The following DMD variants were observed in gnomAD, a reference collection of about 807,000 sequenced individuals.
DMD encodes dystrophin, also known as mutant dystrophin.
A neutral mutation model predicts 330.1 loss-of-function variants in DMD; 63 were observed. That is an observed-to-expected ratio of 0.19 (90% confidence interval 0.16 to 0.24). The LOEUF (loss-of-function observed/expected upper bound fraction) is 0.24, where lower values mean the gene tolerates loss of function less well. DMD is among the 10% of genes least tolerant of loss of function. The pLI, the probability that DMD is intolerant of heterozygous loss-of-function variation, is 1.00. For missense variants in DMD, 3,344 were observed against 2,684.1 expected, an observed-to-expected ratio of 1.25 and a Z score of -5.43; for synonymous variants, 1,223 against 959.8, an observed-to-expected ratio of 1.27 and a Z score of -5.07.
At position 32,723,410 on chromosome X, in the gene DMD, C is replaced by T. The variant is rs770779830; in HGVS notation, c.650-24117G>A. On this transcript the variant is annotated intron_variant, in intron 7 of 78. Coordinates refer to ENST00000357033, the MANE Select transcript of DMD (RefSeq NM_004006.3). ...TCTCTTGCGGTGTCTGTTTGACTTT[C>T]GTATTTAGGGTGATGCTGAAGTCAT... 3.6e-5 allele frequency among the ~76,000 whole-genome samples: 4 copies of T among 111,091 alleles called. No homozygotes were observed. The South Asian group carries it at 1.5e-3, about 42-fold the overall frequency.
chrX:32,491,601 T>C (rs774235324), intron 19 of DMD, 83 bp from the exon 20 acceptor site: 1 of 939,542 alleles, frequency 1.1e-6, no homozygotes, highest in East Asian at 3.3e-5. Context: ...ATCCTAATTA[T>C]AAAAGTATTC....
At chrX:31,122,694 T>C (rs1457643111) in intron 78 of DMD, among the ~76,000 whole-genome samples, 1 of 111,980 alleles carries the variant, frequency 8.9e-6, no homozygotes, top group Admixed American at 9.5e-5. Flanking sequence ...ATGTATTGTA[T>C]GCATTTGGGT....
intron 29 of DMD, among the ~76,000 whole-genome samples, chrX:32,413,252 C>T (rs2098151300): frequency 9.0e-6 from 1 of 110,900 alleles, no homozygotes; most frequent in Non-Finnish European, 1.9e-5. Context: ...ATTCTGCAAC[C>T]ACCAAAAGCT....
At chrX:31,168,058 G>A (rs139258623) in intron 74 of DMD, among the ~76,000 whole-genome samples, 1,613 of 112,092 alleles carry the variant, frequency 0.014, 40 homozygotes, top group African/African-American at 0.049. Flanking sequence ...ATTTTGAGCA[G>A]TGTGATGGAG....
At chrX:33,155,530 G>T (rs2048469836) in intron 1 of DMD, among the ~76,000 whole-genome samples, 1 of 110,701 alleles carries the variant, frequency 9.0e-6, no homozygotes, top group Admixed American at 9.7e-5. Flanking sequence ...TGGCCAGGCT[G>T]GTCTTGAACC....
intron 43 of DMD, among the ~76,000 whole-genome samples, chrX:32,247,081 C>T (rs966451): frequency 0.072 from 8,028 of 111,165 alleles, 379 homozygotes; most frequent in East Asian, 0.36. Context: ...AAACGATTGT[C>T]AAAGAAAGAG....
intron 64 of DMD, among the ~76,000 whole-genome samples, chrX:31,214,940 T>TTTTCTTTTTTTTTC (rs2045222267): frequency 4.9e-5 from 3 of 60,910 alleles, no homozygotes; most frequent in East Asian, 4.6e-4. Flanking sequence ...CTTTTTTCTT[T>TTTTCTTTTTTTTTC]TTTTTTTTTT....
intron 7 of DMD, among the ~76,000 whole-genome samples, chrX:32,716,639 C>A (rs944107588): frequency 9.0e-6 from 1 of 110,832 alleles, no homozygotes; most frequent in Non-Finnish European, 1.9e-5. Context: ...AAGAAGCACA[C>A]GTTGGAACAG....
At chrX:31,641,457 G>A (rs1276299945) in intron 54 of DMD, among the ~76,000 whole-genome samples, 5 of 96,724 alleles carry the variant, frequency 5.2e-5, no homozygotes, top group Non-Finnish European at 8.0e-5. Flanking sequence ...AGCCAAGATC[G>A]CACCACTGCA....
intron 43 of DMD, among the ~76,000 whole-genome samples, chrX:32,230,884 C>T (rs1197175893): frequency 9.0e-6 from 1 of 111,723 alleles, no homozygotes; most frequent in African/African-American, 3.2e-5. Flanking sequence ...AATATATATA[C>T]AGTATATAAT....
intron 1 of DMD, among the ~76,000 whole-genome samples, chrX:33,159,765 T>C (rs1173354993): frequency 8.9e-6 from 1 of 112,006 alleles, no homozygotes; most frequent in African/African-American, 3.2e-5. Flanking sequence ...TGTGTCTTTA[T>C]AGTAGAATGA....
intron 60 of DMD, among the ~76,000 whole-genome samples, chrX:31,431,038 A>C (rs1366184184): frequency 9.2e-6 from 1 of 108,962 alleles, no homozygotes; most frequent in East Asian, 2.9e-4. Flanking sequence ...CTGATCTCGT[A>C]ATTCACCCGC....
intron 11 of DMD, among the ~76,000 whole-genome samples, chrX:32,616,186 G>GTGACC (rs1458046723): frequency 2.6e-4 from 29 of 110,849 alleles, no homozygotes; most frequent in African/African-American, 9.2e-4. Context: ...AATGTTAAAT[G>GTGACC]TGACCACCTG....
Position 32,346,066 on chromosome X carries a change from C to T in DMD, c.5463G>A (p.Glu1821=), listed in dbSNP as rs1026536923. ...DFNKDMNEDN[E]GTVKELLQRG... ...TTTGCAACAATTCTTTTACAGTACC[C>T]TCATTGTCTTCATTCTGATCAAAAA... Residue 1821 remains glutamate (E), a synonymous_variant, in exon 39 of 79, where the codon GAG becomes GAA. Coordinates refer to ENST00000357033, the MANE Select transcript of DMD (RefSeq NM_004006.3). 8.3e-7 allele frequency: 1 copy of T among 1,207,713 alleles called. No individual in the cohort carries two copies. Among genetic ancestry groups the T allele is most frequent in the African/African-American group, 1.8e-5 (1 of 57,071 alleles).
chrX:33,139,346 G>C (rs1355755910), intron 1 of DMD, among the ~76,000 whole-genome samples: 2 of 109,589 alleles, frequency 1.8e-5, no homozygotes, highest in African/African-American at 6.6e-5. Context: ...AATCCCCAAT[G>C]TTTGTTTGTT....
chrX:32,379,084 CTTTA>C (rs2097914935), intron 34 of DMD, among the ~76,000 whole-genome samples: 1 of 108,027 alleles, frequency 9.3e-6, no homozygotes. Flanking sequence ...AATGAATATA[CTTTA>C]TTTGACAACT....
intron 44 of DMD, among the ~76,000 whole-genome samples, chrX:32,171,088 A>T (rs1050965235): frequency 8.9e-6 from 1 of 112,221 alleles, no homozygotes; most frequent in Non-Finnish European, 1.9e-5. Flanking sequence ...CTTATTCAGC[A>T]AATGAATATA....
At chrX:31,570,514 AGAATTGTTCTATAAGG>A (rs2075751837) in intron 55 of DMD, among the ~76,000 whole-genome samples, 1 of 111,317 alleles carries the variant, frequency 9.0e-6, no homozygotes, top group Admixed American at 9.6e-5. Context: ...TATATTATTA[AGAATTGTTCTATAAGG>A]GAAAATTTTC....
chrX:32,518,265 A>AGAGGT, intron 17 of DMD, 134 bp from the exon 18 acceptor site: 5 of 638,502 alleles, frequency 7.8e-6, no homozygotes, highest in Non-Finnish European at 1.2e-5. Context: ...TAGTATTAAT[A>AGAGGT]GCAGCACTAT....
Sources: allele counts gnomAD v4.1 joint callset (sites outside exome capture counted in the v4.1 genomes callset), GRCh38; gene constraint gnomAD v4.1.1; transcripts MANE v1.5; gene names NCBI Gene and HGNC (gene_info 2026-07-23, HGNC 2026-07-21).